Variants in FBXO34 observed in about 807,000 individuals in gnomAD.
FBXO34 encodes the protein F-box protein 34, also known as F-box only protein 34.
Under a neutral mutation model 24.5 loss-of-function variants are expected in FBXO34, and 12 were observed. The observed-to-expected ratio is 0.49, with a 90% CI of 0.31 to 0.79. The LOEUF is 0.79. FBXO34 is among the 30% of genes least tolerant of loss of function. FBXO34 has a pLI of 0.04. For synonymous variants in FBXO34, 320 were observed against 311.9 expected (o/e 1.03, Z -0.27); for missense variants, 823 against 857.7 (o/e 0.96, Z 0.51).
chr14:55,402,969 A>ATATATC, the FBXO34 span, among the ~76,000 whole-genome samples: 1 of 94,072 alleles, frequency 1.1e-5, no homozygotes, highest in Non-Finnish European at 2.2e-5. Context: ...ATATATATAT[A>ATATATC]AATAGCTGGG....
chr14:55,363,582 G>A (rs142564581), downstream of FBXO34, among the ~76,000 whole-genome samples: 2 of 152,156 alleles, frequency 1.3e-5, no homozygotes, highest in African/African-American at 2.4e-5. Flanking sequence ...ACCCACCTTC[G>A]TCTCCCAAAG....
chr14:55,303,169 G>A (rs1317851999), intron 1 of FBXO34, among the ~76,000 whole-genome samples: 1 of 151,438 alleles, frequency 6.6e-6, no homozygotes, highest in Admixed American at 6.6e-5. Context: ...AATTTTGAGT[G>A]CCTCCCTGTG....
downstream of FBXO34, among the ~76,000 whole-genome samples, chr14:55,370,348 TAATA>T (rs1182201651): frequency 1.3e-5 from 2 of 152,224 alleles, no homozygotes; most frequent in African/African-American, 2.4e-5. Flanking sequence ...GTGTAATAAG[TAATA>T]AATGGTATAC....
the FBXO34 span, among the ~76,000 whole-genome samples, chr14:55,420,646 T>C: frequency 2.6e-5 from 4 of 152,266 alleles, no homozygotes; most frequent in African/African-American, 9.6e-5. Flanking sequence ...AATTTAAATT[T>C]GCCTATTCTG....
At chr14:55,367,177 G>A (rs1884698168) in exon 3 of FBXO34, 1 of 152,154 alleles carries the variant, frequency 6.6e-6, no homozygotes, top group Non-Finnish European at 1.5e-5. Flanking sequence ...TTCATAAGAG[G>A]CTTAAGAAAA....
At chr14:55,272,151 T>C (rs931737339) in intron 1 of FBXO34, 1 of 152,254 alleles carries the variant, frequency 6.6e-6, no homozygotes, top group African/African-American at 2.4e-5. Flanking sequence ...AGATGGGTCC[T>C]GGGATGTCAC....
chr14:55,309,566 A>G (rs1357490763), intron 1 of FBXO34, among the ~76,000 whole-genome samples: 1 of 152,258 alleles, frequency 6.6e-6, no homozygotes, highest in African/African-American at 2.4e-5. Flanking sequence ...TGCCAAGAAC[A>G]AAAGTTACCC....
the FBXO34 span, chr14:55,438,990 TG>T: frequency 2.8e-5 from 4 of 144,542 alleles, no homozygotes; most frequent in East Asian, 8.3e-4. Context: ...CAGGCTGGAG[TG>T]CAGTGGCACC....
chr14:55,436,964 T>C, the FBXO34 span: 2 of 1,614,018 alleles, frequency 1.2e-6, no homozygotes, highest in African/African-American at 2.7e-5. Flanking sequence ...AGTATGTACA[T>C]ATCATAAGGT....
At chr14:55,419,189 C>G in the FBXO34 span, among the ~76,000 whole-genome samples, 1 of 152,246 alleles carries the variant, frequency 6.6e-6, no homozygotes, top group Admixed American at 6.5e-5. Flanking sequence ...GCTCTGGAGC[C>G]TGGCTCCTCA....
chr14:55,402,305 A>G, the FBXO34 span, among the ~76,000 whole-genome samples: 1 of 152,220 alleles, frequency 6.6e-6, no homozygotes, highest in African/African-American at 2.4e-5. Flanking sequence ...TGGCAATGAA[A>G]AGTCTCAGAA....
chr14:55,347,269 G>A (rs1441098581), intron 1 of FBXO34, among the ~76,000 whole-genome samples: 1 of 152,126 alleles, frequency 6.6e-6, no homozygotes, highest in Non-Finnish European at 1.5e-5. Context: ...GGGTGACTTG[G>A]GGGTGGGAAA....
rs1416955493 is a variant in FBXO34, at chr14:55,280,647, C to T, written c.-11+9110C>T. On this transcript the variant is annotated intron_variant, in intron 1 of 1. Transcript: ENST00000313833. Reference sequence around the variant, plus strand: ...GTTCACACCATTCTCCTGCCTCAGCCTCCCAAGTAGCTGGGACTACAGGTG... The same window carrying T: ...GTTCACACCATTCTCCTGCCTCAGCTTCCCAAGTAGCTGGGACTACAGGTG... Among the ~76,000 whole-genome samples the T allele has an allele frequency of 2.0e-5, 3 of 151,722 alleles. No individual in the cohort carries two copies. In the East Asian group the frequency reaches 5.8e-4, roughly 29 times the overall value.
At chr14:55,274,417 T>A (rs899613221) in intron 1 of FBXO34, among the ~76,000 whole-genome samples, 4 of 152,224 alleles carry the variant, frequency 2.6e-5, no homozygotes, top group Admixed American at 2.6e-4. Context: ...TTTGGCAGGA[T>A]CTTTTTCACC....
At chr14:55,305,208 T>C (rs1368514581) in intron 1 of FBXO34, among the ~76,000 whole-genome samples, 2 of 152,130 alleles carry the variant, frequency 1.3e-5, no homozygotes, top group Non-Finnish European at 2.9e-5. Flanking sequence ...GTCAGGAGAT[T>C]GAGGCCATCC....
chr14:55,413,797 A>T, the FBXO34 span: 1 of 355,744 alleles, frequency 2.8e-6, no homozygotes, highest in Non-Finnish European at 5.5e-6. Flanking sequence ...TGGCTCAGTA[A>T]GCACATTCAT....
chr14:55,411,187 C>A, the FBXO34 span, among the ~76,000 whole-genome samples: 1 of 152,204 alleles, frequency 6.6e-6, no homozygotes, highest in Non-Finnish European at 1.5e-5. Context: ...TTATTTGATT[C>A]TCTTCTACTC....
At chr14:55,378,727 C>G in the FBXO34 span, among the ~76,000 whole-genome samples, 8 of 152,072 alleles carry the variant, frequency 5.3e-5, no homozygotes, top group African/African-American at 1.9e-4. Flanking sequence ...TAGGCAGGGT[C>G]TCACTCTGTC....
intron 1 of FBXO34, among the ~76,000 whole-genome samples, chr14:55,281,104 T>C (rs75031745): frequency 0.058 from 8,816 of 151,970 alleles, 324 homozygotes; most frequent in South Asian, 0.089. Flanking sequence ...TTAAAGCATA[T>C]CCCTTTGGGC....
Sources: allele counts gnomAD v4.1 joint callset (sites outside exome capture counted in the v4.1 genomes callset), GRCh38; gene constraint gnomAD v4.1.1; transcripts MANE v1.5; gene names NCBI Gene and HGNC (gene_info 2026-07-23, HGNC 2026-07-21).